Variants in C3 observed in about 807,000 individuals in gnomAD.
The protein encoded by C3 is complement C3, also known as C3 and PZP-like alpha-2-macroglobulin domain-containing protein 1.
C3 carries 97 observed loss-of-function variants against 207.9 expected under a neutral mutation model. The ratio of observed to expected loss-of-function variants is 0.47; its 90% CI spans 0.40 to 0.55. C3 has a LOEUF of 0.55. Among genes scored for constraint, C3 ranks in the 20% least tolerant of loss-of-function variants. The probability of loss-of-function intolerance (pLI) is 0.00; values close to 1 mark genes in which losing one functional copy is unlikely to be tolerated. For missense variants in C3, 1,684 were observed against 2,171.7 expected (o/e 0.78, Z 4.46); for synonymous variants, 848 against 857.6 (o/e 0.99, Z 0.20).
intron 21 of C3, 103 bp downstream of exon 21, chr19:6,697,241 A>T: frequency 1.1e-6 from 1 of 876,032 alleles, no homozygotes; most frequent in Non-Finnish European, 1.9e-6. Flanking sequence ...GGACACTATG[A>T]TTCTTAGTGT....
intron 33 of C3, 178 bp from the exon 34 acceptor site, chr19:6,682,407 T>A (rs1917888671): frequency 1.6e-6 from 1 of 640,678 alleles, no homozygotes; most frequent in South Asian, 1.7e-5. Context: ...CAAGGTAATG[T>A]AATGGTCAAG....
intron 27 of C3, among the ~76,000 whole-genome samples, chr19:6,689,360 CCTCTCT>C (rs1218148901): frequency 7.9e-4 from 13 of 16,548 alleles, no homozygotes; most frequent in African/African-American, 3.4e-3. Context: ...TCCCTCCCTC[CCTCTCT>C]CTCTCTCTCT....
chr19:6,702,768 T>G, intron 17 of C3, 189 bp from the exon 18 acceptor site: 1 of 555,250 alleles, frequency 1.8e-6, no homozygotes, highest in East Asian at 3.5e-5. Flanking sequence ...GCACGGTGGC[T>G]CACCCCTGTA....
intron 30 of C3, 28 bp from the exon 31 acceptor site, chr19:6,684,862 A>T (rs749591577): frequency 1.3e-5 from 21 of 1,613,402 alleles, no homozygotes; most frequent in Non-Finnish European, 1.7e-5. Flanking sequence ...AGAAGAGAGC[A>T]TGTTGGGAAT....
At chr19:6,692,556 G>A (rs150153983) in intron 26 of C3, among the ~76,000 whole-genome samples, 120 of 152,204 alleles carry the variant, frequency 7.9e-4, no homozygotes, top group African/African-American at 2.8e-3. Flanking sequence ...TGGACCAGGG[G>A]CTGGCCATAA....
In C3 at chr19:6,696,678, G is replaced by A; in HGVS notation, c.2797-19C>T. 6.2e-7 allele frequency: 1 copy of A among 1,609,768 alleles called. No individual in the cohort carries two copies. The highest frequency in any genetic ancestry group is 8.5e-7 in the Non-Finnish European group (1 of 1,176,292). On this transcript the variant is annotated intron_variant, in intron 21 of 40. Transcript: ENST00000245907. ...CTTCCGGCTACGCAGTGTTAGAGGT[G>A]GGGGGAGTCGTTGGATGAATAAAAG...
At chr19:6,705,338 CTCTT>C (rs1023081591) in intron 17 of C3, among the ~76,000 whole-genome samples, 8 of 148,910 alleles carry the variant, frequency 5.4e-5, no homozygotes, top group Admixed American at 2.0e-4. Context: ...TCTTTTCTCT[CTCTT>C]TTTTTTTTTT....
intron 7 of C3, 175 bp from the exon 8 acceptor site, chr19:6,713,684 C>T: frequency 3.9e-6 from 2 of 508,326 alleles, no homozygotes; most frequent in East Asian, 7.3e-5. Context: ...TTGCCCCACT[C>T]CCACCCCCCA....
intron 16 of C3, 62 bp downstream of exon 16, chr19:6,707,404 G>C: frequency 1.2e-6 from 2 of 1,604,740 alleles, no homozygotes; most frequent in South Asian, 1.1e-5. Flanking sequence ...GCTCCTGCAC[G>C]GCCGGGCTGG....
Position 6,714,077 on chromosome 19 carries a change from G to C in C3, c.688C>G (p.Pro230Ala), listed in dbSNP as rs761529697. 5 of 1,612,380 alleles carry C rather than the reference G, an allele frequency of 3.1e-6. No individual in the cohort carries two copies. The highest frequency in any genetic ancestry group is 4.2e-6 in the Non-Finnish European group (5 of 1,179,540). ...TEFEVKEYVLPSFEVIVEPTE... is the reference protein window; with the variant it reads ...TEFEVKEYVLASFEVIVEPTE... ...GGCTCCACTATGACCTCGAAACTGG[G>C]CAGCACTGGGGGAGAGATGGCGTTG... Residue 230 changes from proline to alanine, a missense_variant, in exon 7 of 41, where the codon CCC (proline) becomes GCC (alanine). Physicochemically the swap from Pro to Ala is conservative, Grantham distance 27. This residue lies in a region of C3 where 1,280 missense variants were observed against 1,739.1 expected (regional missense o/e 0.74). Coordinates refer to ENST00000245907, the MANE Select transcript of C3 (RefSeq NM_000064.4).
chr19:6,681,919 G>T, intron 35 of C3, 22 bp downstream of exon 35: 1 of 1,575,980 alleles, frequency 6.3e-7, no homozygotes, highest in South Asian at 1.1e-5. Context: ...AAGCCTCCCA[G>T]GGGAGGATGA....
At position 6,711,035 on chromosome 19, in the gene C3, C is replaced by T. The variant is rs769724372; in HGVS notation, c.1431G>A (p.Leu477=). 5 of 1,614,016 alleles carry T rather than the reference C, an allele frequency of 3.1e-6. No homozygotes were observed. In the East Asian group the frequency reaches 1.1e-4, roughly 36 times the overall value. ...PGETLNVNFL[L]RMDRAHEAKI... is the part of the protein sequence containing the mutation. ...TGGCCTCGTGGGCGCGGTCCATTCG[C>T]AGGAGGAAGTTGACGTTGAGGGTCT... The change falls in exon 12 of 41, where the codon CTG becomes CTA. Residue 477 remains leucine (L), a synonymous_variant. Coordinates refer to ENST00000245907, the MANE Select transcript of C3 (RefSeq NM_000064.4).
intron 22 of C3, 42 bp downstream of exon 22, chr19:6,696,551 A>G: frequency 6.2e-7 from 1 of 1,605,816 alleles, no homozygotes. Flanking sequence ...TACCCCCCTT[A>G]CCCTGCCAGC....
intron 27 of C3, among the ~76,000 whole-genome samples, chr19:6,689,351 C>CTCTCTCTCTCTCTCTCT (rs1918106620): frequency 1.5e-5 from 1 of 64,566 alleles, no homozygotes; most frequent in Admixed American, 1.7e-4. Context: ...CTCCCTCCCT[C>CTCTCTCTCTCTCTCTCT]CCTCCCTCCC....
At chr19:6,704,828 G>A (rs1967739637) in intron 17 of C3, among the ~76,000 whole-genome samples, 1 of 151,860 alleles carries the variant, frequency 6.6e-6, no homozygotes, top group African/African-American at 2.4e-5. Flanking sequence ...AACCCATGAG[G>A]TGGAGGTTGC....
In C3 at chr19:6,681,947, C is replaced by G. The variant is rs751912518; in HGVS notation, c.4344G>C (p.Leu1448=). 1 of 1,612,110 alleles carries G rather than the reference C, an allele frequency of 6.2e-7. No homozygotes were observed. Among genetic ancestry groups the G allele is most frequent in the Admixed American group, 1.7e-5 (1 of 60,004 alleles). Residue 1448 remains leucine (L), a synonymous_variant, in exon 35 of 41, where the codon CTG becomes CTC. Transcript: ENST00000245907. ...GAGGATGATGCAGCCTTACCTTGTCCAGGTAGATGATGAGGGTGTTCCTAT... is the reference window on the plus strand; with the variant it reads ...GAGGATGATGCAGCCTTACCTTGTCGAGGTAGATGATGAGGGTGTTCCTAT... ...FSDRNTLIIY[L]DKVSHSEDDC...
intron 9 of C3, 148 bp from the exon 10 acceptor site, chr19:6,712,771 G>A (rs1473819854): frequency 2.7e-6 from 2 of 733,844 alleles, no homozygotes; most frequent in African/African-American, 3.5e-5. Flanking sequence ...CATCAGACTG[G>A]ACTCCACCTT....
At chr19:6,706,761 AG>A (rs1343589096) in intron 17 of C3, among the ~76,000 whole-genome samples, 20 of 108,142 alleles carry the variant, frequency 1.8e-4, no homozygotes, top group African/African-American at 7.1e-4. Flanking sequence ...CCCCTCAGAC[AG>A]GTACCTCCTC....
Position 6,713,371 on chromosome 19 carries a change from T to C in C3, c.876+36A>G. ...GAGCGGGCTCAGAGGTGGCGGGGAC[T>C]GGGGCAGGGATCAAAGCGGCCTCCG... On this transcript the variant is annotated intron_variant, in intron 8 of 40. Coordinates refer to ENST00000245907, the MANE Select transcript of C3 (RefSeq NM_000064.4). 3.1e-6 allele frequency: 5 copies of C among 1,613,816 alleles called. No homozygotes were observed. The African/African-American group carries it at 4.0e-5, about 13-fold the overall frequency.
Sources: gnomAD v4.1 joint callset for allele counts (sites outside exome capture counted in the v4.1 genomes callset) on GRCh38, gnomAD v4.1.1 for gene constraint, gnomAD v4.1.1 regional missense constraint, MANE v1.5 for transcripts, NCBI Gene and HGNC (gene_info 2026-07-23, HGNC 2026-07-21) for gene names.